TENM2: variants seen among roughly 807,000 people sequenced by gnomAD.
TENM2 encodes the protein teneurin-2.
Under a neutral mutation model 245.2 loss-of-function variants are expected in TENM2, and 52 were observed. The observed-to-expected ratio is 0.21, with a 90% CI of 0.17 to 0.27. The LOEUF (loss-of-function observed/expected upper bound fraction) is 0.27, where lower values mean the gene tolerates loss of function less well. TENM2 is among the 10% of genes least tolerant of loss of function. The pLI is 1.00. For synonymous variants in TENM2, 1,363 were observed against 1,438.9 expected (o/e 0.95, Z 1.19); for missense variants, 3,046 against 3,666.8 (o/e 0.83, Z 4.37).
intron 25 of TENM2, among the ~76,000 whole-genome samples, chr5:168,231,250 G>A (rs185744114): frequency 5.3e-5 from 8 of 152,326 alleles, no homozygotes; most frequent in South Asian, 2.1e-4. Context: ...TGGTAAGCAC[G>A]TAGCAGAGTG....
the TENM2 span, among the ~76,000 whole-genome samples, chr5:167,211,464 A>G: frequency 5.9e-4 from 90 of 152,324 alleles, no homozygotes; most frequent in African/African-American, 2.1e-3. Context: ...ACATTTAGGC[A>G]TAACAGATGC....
intron 5 of TENM2, among the ~76,000 whole-genome samples, chr5:168,029,098 G>T (rs1289541678): frequency 1.3e-5 from 2 of 152,142 alleles, no homozygotes; most frequent in African/African-American, 4.8e-5. Context: ...ATTCAGTGAG[G>T]GCTCGATTTC....
chr5:167,942,433 A>G (rs1779257996), intron 3 of TENM2, among the ~76,000 whole-genome samples: 1 of 152,188 alleles, frequency 6.6e-6, no homozygotes, highest in African/African-American at 2.4e-5. Flanking sequence ...GAAGTCCTCC[A>G]GGCAAAACTG....
intron 7 of TENM2, among the ~76,000 whole-genome samples, chr5:168,069,258 C>T (rs1465862780): frequency 6.6e-6 from 1 of 152,156 alleles, no homozygotes; most frequent in African/African-American, 2.4e-5. Context: ...AAGCCTAGTA[C>T]AGATCTTTAA....
chr5:168,170,581 G>A (rs1223013204), intron 13 of TENM2, among the ~76,000 whole-genome samples: 1 of 151,744 alleles, frequency 6.6e-6, no homozygotes, highest in Non-Finnish European at 1.5e-5. Flanking sequence ...AGGAAGGAAG[G>A]AAGGAATTCT....
intron 2 of TENM2, among the ~76,000 whole-genome samples, chr5:167,434,629 A>T (rs1326728016): frequency 2.0e-5 from 3 of 152,072 alleles, no homozygotes; most frequent in Non-Finnish European, 4.4e-5. Context: ...AAAAATCATT[A>T]AAAATGATTA....
chr5:167,366,578 G>A (rs1760068500), intron 1 of TENM2, among the ~76,000 whole-genome samples: 1 of 152,168 alleles, frequency 6.6e-6, no homozygotes, highest in South Asian at 2.1e-4. Context: ...AGACTATCTG[G>A]TCGACAAGTA....
chr5:167,075,519 A>G, the TENM2 span, among the ~76,000 whole-genome samples: 3 of 152,208 alleles, frequency 2.0e-5, no homozygotes, highest in Admixed American at 1.3e-4. Flanking sequence ...TGAGAATAAA[A>G]GCAAATCTTA....
At chr5:168,122,965 A>G (rs1203730995) in intron 10 of TENM2, among the ~76,000 whole-genome samples, 1 of 152,116 alleles carries the variant, frequency 6.6e-6, no homozygotes, top group African/African-American at 2.4e-5. Context: ...GATACTCTAA[A>G]TAATGTCATA....
intron 2 of TENM2, among the ~76,000 whole-genome samples, chr5:167,775,392 G>A (rs1278359905): frequency 1.3e-5 from 2 of 152,166 alleles, no homozygotes; most frequent in African/African-American, 4.8e-5. Context: ...AAAATATCAT[G>A]AGATTTTGTA....
At chr5:167,714,060 T>G (rs1759090273) in intron 2 of TENM2, among the ~76,000 whole-genome samples, 1 of 152,174 alleles carries the variant, frequency 6.6e-6, no homozygotes, top group African/African-American at 2.4e-5. Context: ...GAAGTGAGGG[T>G]CACCTCAGCC....
rs181084392 is a variant in TENM2 at position 167,304,911 on chromosome 5, G to A, written c.226+19848G>A. On this transcript the variant is annotated intron_variant, in intron 1 of 28. Transcript: ENST00000518659. ...TACCCTGTAAATTCCTTGAAAGACAGTGCCTCACTCATCTTTCTATCTCCC... is the reference window on the plus strand; with the variant it reads ...TACCCTGTAAATTCCTTGAAAGACAATGCCTCACTCATCTTTCTATCTCCC... Among the ~76,000 whole-genome samples the A allele has an allele frequency of 5.9e-5, 9 of 152,268 alleles. No individual in the cohort carries two copies. The East Asian group carries it at 1.5e-3, about 26-fold the overall frequency.
chr5:167,339,182 A>G (rs563655511), intron 1 of TENM2, among the ~76,000 whole-genome samples: 2 of 152,356 alleles, frequency 1.3e-5, no homozygotes, highest in Admixed American at 6.5e-5. Context: ...TAAATCAGAT[A>G]TGAATGAGAC....
upstream of TENM2, among the ~76,000 whole-genome samples, chr5:167,281,359 C>A (rs186140825): frequency 6.6e-6 from 1 of 151,438 alleles, no homozygotes; most frequent in Non-Finnish European, 1.5e-5. Flanking sequence ...TCGTTATGCA[C>A]CCTCCTCGAC....
the TENM2 span, among the ~76,000 whole-genome samples, chr5:167,273,241 G>A: frequency 0.082 from 12,543 of 152,180 alleles, 740 homozygotes; most frequent in East Asian, 0.18. Context: ...GCTCTTCAAG[G>A]GCGGAAATGT....
At chr5:167,779,127 T>G (rs897325474) in intron 2 of TENM2, among the ~76,000 whole-genome samples, 2 of 152,200 alleles carry the variant, frequency 1.3e-5, no homozygotes, top group African/African-American at 4.8e-5. Flanking sequence ...GCACACAACC[T>G]CTAAAACACC....
chr5:168,263,838 C>T (rs1768422088), downstream of TENM2: 1 of 152,484 alleles, frequency 6.6e-6, no homozygotes, highest in East Asian at 1.9e-4. Context: ...GGCACAATCA[C>T]TGTTTCAGAT....
At chr5:168,165,609 A>C (rs532730867) in intron 13 of TENM2, among the ~76,000 whole-genome samples, 4 of 127,546 alleles carry the variant, frequency 3.1e-5, no homozygotes, top group African/African-American at 1.2e-4. Flanking sequence ...CCCGGGCCTA[A>C]GGGTTGCCCA....
At chr5:167,070,420 C>A in the TENM2 span, among the ~76,000 whole-genome samples, 2 of 151,618 alleles carry the variant, frequency 1.3e-5, no homozygotes, top group Non-Finnish European at 2.9e-5. Flanking sequence ...TGAGCCACTG[C>A]GCCCAGCCTC....
Sources: allele counts gnomAD v4.1 joint callset (sites outside exome capture counted in the v4.1 genomes callset), GRCh38; gene constraint gnomAD v4.1.1; transcripts MANE v1.5; gene names NCBI Gene and HGNC (gene_info 2026-07-23, HGNC 2026-07-21).